Variants in TAS1R2 observed in about 807,000 individuals in gnomAD.
TAS1R2 encodes taste 1 receptor member 2, also known as taste receptor type 1 member 2.
TAS1R2 carries 47 observed loss-of-function variants against 49.3 expected under a neutral mutation model. The observed-to-expected ratio is 0.95, with a 90% CI of 0.75 to 1.22. TAS1R2 has a LOEUF of 1.22. TAS1R2 is among the 50% of genes most tolerant of loss of function. The pLI, the probability that TAS1R2 is intolerant of heterozygous loss-of-function variation, is 0.00. For synonymous variants in TAS1R2, 479 were observed against 467.9 expected (o/e 1.02, Z -0.31); for missense variants, 1,155 against 1,122.1 (o/e 1.03, Z -0.42).
intron 3 of TAS1R2, among the ~76,000 whole-genome samples, chr1:18,852,312 T>C (rs535518148): frequency 1.3e-5 from 2 of 152,258 alleles, no homozygotes; most frequent in South Asian, 4.1e-4. Context: ...AGGGGGTCCA[T>C]TTAGGACAAC....
At chr1:18,843,912 T>C (rs567774860) in intron 4 of TAS1R2, among the ~76,000 whole-genome samples, 55 of 152,336 alleles carry the variant, frequency 3.6e-4, no homozygotes, top group African/African-American at 1.3e-3. Context: ...TGGGTCCAAG[T>C]AAATTTCTTA....
chr1:18,857,476 T>C (rs1934157463), exon 2 of TAS1R2: 1 of 1,614,046 alleles, frequency 6.2e-7, no homozygotes, highest in Non-Finnish European at 8.5e-7. Flanking sequence ...TGCCAGGAAG[T>C]AGAGCACCGG....
At position 18,854,937 on chromosome 1, in the gene TAS1R2, G is replaced by A. The variant is rs755156769; in HGVS notation, c.533C>T (p.Pro178Leu). ...GCTGGGTGTGGTACGCAGCAAAGCC[G>A]GGAAGCGCACCTTGTCTCGCAGCTC... Residue 178 changes from proline (P) to leucine (L), a missense_variant, in exon 3 of 6, where the codon CCG becomes CTG. Pro to Leu is a moderately conservative substitution (Grantham distance 98). Coordinates refer to ENST00000375371, the Ensembl canonical transcript of TAS1R2. The surrounding 1 kb of genome is among the most constrained non-coding windows in gnomAD (Gnocchi z 4.9). The A allele has an allele frequency of 7.0e-5, 113 of 1,608,964 alleles. 1 individual carries two copies. In the South Asian group the frequency reaches 1.0e-3, roughly 15 times the overall value.
exon 4 of TAS1R2, chr1:18,849,471 A>G: frequency 6.2e-7 from 1 of 1,614,274 alleles, no homozygotes. Context: ...CTCCAAGTGC[A>G]GAGCCACGTC....
rs772818747 is a variant in TAS1R2, at chr1:18,840,452, A to G, written c.1667T>C (p.Leu556Pro). 99 of 1,614,072 alleles carry G rather than the reference A, an allele frequency of 6.1e-5. No individual in the cohort carries two copies. The highest frequency in any genetic ancestry group is 7.2e-5 in the Non-Finnish European group (85 of 1,180,038). The change falls in exon 6 of 6, where the codon CTG (leucine) becomes CCG (proline). Residue 556 changes from leucine to proline, a missense_variant. Transcript: ENST00000375371. Reference sequence around the variant, plus strand: ...TGCCTCATGCCATTCCAGGAAGACCAGCTGCCGCTTGAAGCAGGAGGTCTC... The same window carrying G: ...TGCCTCATGCCATTCCAGGAAGACCGGCTGCCGCTTGAAGCAGGAGGTCTC...
At chr1:18,841,605 G>T in intron 5 of TAS1R2, 124 bp downstream of exon 5, 5 of 1,379,526 alleles carry the variant, frequency 3.6e-6, no homozygotes, top group Non-Finnish European at 4.8e-6. Context: ...CTGGCCTTTG[G>T]ACACTCACAC....
chr1:18,848,485 C>G (rs1266321031), intron 4 of TAS1R2, among the ~76,000 whole-genome samples: 1 of 152,074 alleles, frequency 6.6e-6, no homozygotes, highest in Non-Finnish European at 1.5e-5. Flanking sequence ...GAATAGAGGT[C>G]CTACCAGCTA....
intron 3 of TAS1R2, 65 bp from the exon 4 acceptor site, chr1:18,849,615 A>G (rs1933985510): frequency 6.4e-7 from 1 of 1,560,308 alleles, no homozygotes; most frequent in African/African-American, 1.4e-5. Context: ...TTTTTCCTGG[A>G]CCTGGGAAAG....
At chr1:18,843,868 T>C (rs1933870605) in intron 4 of TAS1R2, among the ~76,000 whole-genome samples, 1 of 152,232 alleles carries the variant, frequency 6.6e-6, no homozygotes, top group Non-Finnish European at 1.5e-5. Context: ...AAACAAGTCT[T>C]CATATAAGGG....
intron 5 of TAS1R2, among the ~76,000 whole-genome samples, chr1:18,841,367 T>C (rs905071193): frequency 2.6e-5 from 4 of 152,216 alleles, no homozygotes; most frequent in African/African-American, 9.6e-5. Flanking sequence ...CCAGAAACTT[T>C]CCTCCTATTG....
intron 2 of TAS1R2, among the ~76,000 whole-genome samples, chr1:18,856,516 T>C (rs576777744): frequency 1.3e-5 from 2 of 152,300 alleles, no homozygotes; most frequent in African/African-American, 4.8e-5. Flanking sequence ...TTTCTGTCTC[T>C]CTCCACTAGA....
rs759198125 is a variant in TAS1R2 at position 18,854,798 on chromosome 1, G to A, written c.672C>T (p.Gly224=). 21 of 1,605,174 alleles carry A rather than the reference G, an allele frequency of 1.3e-5. 1 individual carries two copies. The highest frequency in any genetic ancestry group is 6.6e-5 in the South Asian group (6 of 90,568). The change falls in exon 3 of 6, where the codon GGC becomes GGT. Residue 224 remains glycine (G), a synonymous_variant. Transcript: ENST00000375371. This position sits in a 1 kb window ranked among gnomAD's most constrained non-coding sequence, Gnocchi z 4.9. ...AGATGTCGCGCCGGGCCACGCGCTC[G>A]CCAAGCAGCTGGCCATTGTCGCGGC...
chr1:18,850,676 A>AC, intron 3 of TAS1R2, among the ~76,000 whole-genome samples: 2 of 152,284 alleles, frequency 1.3e-5, no homozygotes, highest in Admixed American at 1.3e-4. Flanking sequence ...CCAAGATATC[A>AC]CCCCCAAGGG....
chr1:18,844,741 G>A (rs541119207), intron 4 of TAS1R2, among the ~76,000 whole-genome samples: 4 of 142,184 alleles, frequency 2.8e-5, no homozygotes, highest in African/African-American at 8.0e-5. Flanking sequence ...GCGACAGAGC[G>A]AGACTGTCTC....
At chr1:18,839,606 C>T (rs9988418) in exon 6 of TAS1R2, 25,612 of 1,614,096 alleles carry the variant, frequency 0.016, 1,041 homozygotes, top group African/African-American at 0.15. Flanking sequence ...GCACTAGTCC[C>T]TCCTCATGGT....
chr1:18,840,399 C>T (rs6662276), exon 6 of TAS1R2: 85,607 of 1,614,106 alleles, frequency 0.053, 3,111 homozygotes, highest in South Asian at 0.15. Context: ...AAGCCCAGGG[C>T]GGCCAGCAGG....
At chr1:18,850,492 G>T (rs1934001791) in intron 3 of TAS1R2, among the ~76,000 whole-genome samples, 1 of 152,276 alleles carries the variant, frequency 6.6e-6, no homozygotes, top group African/African-American at 2.4e-5. Flanking sequence ...TGCACAGGTT[G>T]CTAAGCCCAA....
At chr1:18,844,698 G>A (rs1245653879) in intron 4 of TAS1R2, among the ~76,000 whole-genome samples, 3 of 152,114 alleles carry the variant, frequency 2.0e-5, no homozygotes, top group African/African-American at 7.2e-5. Context: ...AGGTTGCAAT[G>A]AGCCAAGATT....
At chr1:18,839,875 C>A (rs200020097) in exon 6 of TAS1R2, 1 of 1,614,206 alleles carries the variant, frequency 6.2e-7, no homozygotes, top group East Asian at 2.2e-5. Flanking sequence ...GCTCTTTGCC[C>A]ATGTAGGCGA....
Sources: allele counts gnomAD v4.1 joint callset (sites outside exome capture counted in the v4.1 genomes callset), GRCh38; gene constraint gnomAD v4.1.1; non-coding constraint Gnocchi (gnomAD v3.1); transcripts MANE v1.5; gene names NCBI Gene and HGNC (gene_info 2026-07-23, HGNC 2026-07-21).